Variants in RPN1 observed in about 807,000 individuals in gnomAD.
The protein encoded by RPN1 is dolichyl-diphosphooligosaccharide--protein glycosyltransferase subunit 1.
A neutral mutation model predicts 55.5 loss-of-function variants in RPN1; 12 were observed. The ratio of observed to expected loss-of-function variants is 0.22; its 90% CI spans 0.14 to 0.35. The LOEUF is 0.35. Ranked by LOEUF, RPN1 falls within the 10% of genes least tolerant of loss-of-function variation. The pLI is 1.00. For missense variants in RPN1, 679 were observed against 761.3 expected, an observed-to-expected ratio of 0.89 and a Z score of 1.27; for synonymous variants, 317 against 305.9, an observed-to-expected ratio of 1.04 and a Z score of -0.38.
intron 3 of RPN1, among the ~76,000 whole-genome samples, chr3:128,635,683 A>G (rs2107717725): frequency 1.0e-5 from 1 of 96,568 alleles, no homozygotes; most frequent in South Asian, 2.8e-4. Context: ...ATAGATATCT[A>G]TAGATATACA....
At position 128,620,277 on chromosome 3, in the gene RPN1, G is replaced by A. The variant is rs1018140710; in HGVS notation, c.*134C>T. ...CTCACACTGCCTGACGCAGGGCCTG[G>A]TTTCTCTTCCTTGAAGGCCTTTTAC... On this transcript the variant is annotated 3_prime_UTR_variant, in exon 10 of 10. Transcript: ENST00000296255. 8 of 618,630 alleles carry A rather than the reference G, an allele frequency of 1.3e-5. No homozygotes were observed. The highest frequency in any genetic ancestry group is 1.8e-5 in the Non-Finnish European group (7 of 398,522). The allele number at this position is 618,630 out of a possible 1,614,324, so 38.3% of individuals were successfully genotyped here. A position where few individuals can be genotyped will look rare whatever the true frequency, so the allele number is the denominator to read the frequency against.
At chr3:128,638,519 G>A (rs973211209) in intron 2 of RPN1, among the ~76,000 whole-genome samples, 4 of 151,320 alleles carry the variant, frequency 2.6e-5, no homozygotes, top group African/African-American at 4.9e-5. Flanking sequence ...TTGCTCTGTC[G>A]CCCAGGCTGG....
rs1308628417 is a variant in RPN1, at chr3:128,632,004, G to T, written c.787C>A (p.Arg263Ser). ...TCTGGCTGTCTCTGGTAATCATAGC[G>T]TGAGAAAGGCCCCTTAAGCACAGCT... ...TGAVLKGPFS[R>S]YDYQRQPDSG... Residue 263 changes from arginine to serine, a missense_variant, in exon 4 of 10, where the codon CGC becomes AGC. Physicochemically the swap from Arg to Ser is moderately radical, Grantham distance 110. Coordinates refer to ENST00000296255, the MANE Select transcript of RPN1 (RefSeq NM_002950.4). The T allele has an allele frequency of 3.7e-6, 6 of 1,614,066 alleles. No individual in the cohort carries two copies. The highest frequency in any genetic ancestry group is 5.1e-6 in the Non-Finnish European group (6 of 1,180,056).
rs2069755883 is a variant in RPN1, at chr3:128,644,976, C to T, written c.269G>A (p.Gly90Glu). ...CAAATTGTTCTCTTCCTCATCTTCT[C>T]CCTTTACCTACAACAGAAAAAGATA... ...RLAHLGVQVK[G>E]EDEEENNLEV... The change falls in exon 2 of 10, where the codon GGA (glycine) becomes GAA (glutamate). Residue 90 changes from glycine (G) to glutamate (E), a missense_variant. This residue lies in a region of RPN1 where 352 missense variants were observed against 352.8 expected (regional missense o/e 1.00). Transcript: ENST00000296255. 6.4e-7 allele frequency: 1 copy of T among 1,562,384 alleles called. No homozygotes were observed. Among genetic ancestry groups the T allele is most frequent in the Non-Finnish European group, 8.8e-7 (1 of 1,133,074 alleles).
rs1218015648 is a variant in RPN1 at position 128,622,215 on chromosome 3, A to T, written c.1590T>A (p.Ile530=). ...ETEHKALTSE[I]ALLQSRLKTE... ...TCTTCAGCCTGGACTGCAGCAGTGC[A>T]ATCTCACTGGTCAAGGCCTTGTGTT... The change falls in exon 9 of 10, where the codon ATT becomes ATA. Residue 530 remains isoleucine (I), a synonymous_variant. Coordinates refer to ENST00000296255, the MANE Select transcript of RPN1 (RefSeq NM_002950.4). The T allele has an allele frequency of 6.2e-7, 1 of 1,614,074 alleles. No individual in the cohort carries two copies. The highest frequency in any genetic ancestry group is 2.2e-5 in the East Asian group (1 of 44,890).
rs755882055 is a variant in RPN1 at position 128,650,616 on chromosome 3, G to C, written c.185C>G (p.Ser62Cys). The stretch of plus-strand genomic sequence containing the variant: ...CAGGAAAGAGGTAGCTCGGGACGTG[G>C]AGCCGCCGCCCAGGTGCGCCAGGAC... ...EVVLAHLGGG[S>C]TSRATSFLLA... is the part of the protein sequence containing the mutation. The change falls in exon 1 of 10, where the codon TCC becomes TGC. Residue 62 changes from serine (S) to cysteine (C), a missense_variant. By Grantham distance (112) the Ser-to-Cys change is moderately radical (BLOSUM62 -1). Transcript: ENST00000296255. 3.9e-6 allele frequency: 6 copies of C among 1,551,088 alleles called. No individual in the cohort carries two copies. In the African/African-American group the frequency reaches 8.2e-5, roughly 21 times the overall value.
At chr3:128,630,615 T>C (rs542346591) in intron 4 of RPN1, among the ~76,000 whole-genome samples, 16 of 152,266 alleles carry the variant, frequency 1.1e-4, no homozygotes, top group Non-Finnish European at 2.1e-4. Flanking sequence ...TACTGACCCC[T>C]TCTATCATAC....
chr3:128,644,884 T>G, intron 2 of RPN1, 35 bp downstream of exon 2: 2 of 1,189,160 alleles, frequency 1.7e-6, no homozygotes, highest in African/African-American at 3.0e-5. Flanking sequence ...ACATAACCTT[T>G]AACAAGAGAC....
chr3:128,647,315 AAAC>A (rs1175476379), intron 1 of RPN1, among the ~76,000 whole-genome samples: 1 of 152,206 alleles, frequency 6.6e-6, no homozygotes, highest in Non-Finnish European at 1.5e-5. Flanking sequence ...AAAAGCCTAA[AAAC>A]AATCATACAA....
chr3:128,648,229 C>CA (rs1487949672), intron 1 of RPN1, among the ~76,000 whole-genome samples: 2 of 151,700 alleles, frequency 1.3e-5, no homozygotes, highest in African/African-American at 4.8e-5. Flanking sequence ...CCTGTCTCTA[C>CA]AAAAAAAATA....
At chr3:128,637,580 C>T (rs1277877000) in intron 3 of RPN1, among the ~76,000 whole-genome samples, 4 of 152,148 alleles carry the variant, frequency 2.6e-5, no homozygotes, top group Non-Finnish European at 5.9e-5. Context: ...ACCCATTCCA[C>T]CTCTCCAAAT....
chr3:128,630,042 T>C lies in RPN1; in HGVS notation c.945A>G (p.Glu315=). The C allele has an allele frequency of 6.2e-7, 1 of 1,613,794 alleles. No individual in the cohort carries two copies. Among genetic ancestry groups the C allele is most frequent in the Non-Finnish European group, 8.5e-7 (1 of 1,179,668 alleles). The change falls in exon 5 of 10, where the codon GAA becomes GAG. Residue 315 remains glutamate (E), a synonymous_variant. Transcript: ENST00000296255. ...LLILDDSVEM[E]IRPRFPLFGG... ...CAAAGAGAGGGAAGCGAGGCCGGAT[T>C]TCCATCTCTACAGAGTCATCCAAAA...
At chr3:128,636,471 A>G (rs2069682765) in intron 3 of RPN1, among the ~76,000 whole-genome samples, 1 of 84,506 alleles carries the variant, frequency 1.2e-5, no homozygotes, top group South Asian at 3.5e-4. Flanking sequence ...AAAAAAAATA[A>G]AATAAAATAA....
rs537189483 is a variant in RPN1, at chr3:128,638,861, G to A, written c.327-756C>T. 9.9e-4 allele frequency among the ~76,000 whole-genome samples: 151 copies of A among 152,176 alleles called. 1 individual carries two copies. The highest frequency in any genetic ancestry group is 1.3e-3 in the Non-Finnish European group (91 of 67,994). On this transcript the variant is annotated intron_variant, in intron 2 of 9. Transcript: ENST00000296255. ...CACACCTGTAGTCCCAGCTACTTGA[G>A]AGGTTGAAGTGGGAGGATCACTTGA...
chr3:128,646,483 C>T (rs1393774145), intron 1 of RPN1, among the ~76,000 whole-genome samples: 6 of 151,530 alleles, frequency 4.0e-5, no homozygotes, highest in African/African-American at 7.3e-5. Flanking sequence ...GTCAGGAGTT[C>T]GAGACCAGCC....
rs1560020846 is a variant in RPN1, at chr3:128,625,966, C to T, written c.1183G>A (p.Glu395Lys). ...GTGTCCAGATAGGTGTAGTGCAGCT[C>T]ATCTGGGGCACGGCTGATTTCATAG... ...SPYEISRAPD[E>K]LHYTYLDTFG... The change falls in exon 7 of 10, where the codon GAG (glutamate) becomes AAG (lysine). Residue 395 changes from glutamate to lysine, a missense_variant. Transcript: ENST00000296255. 2 of 1,612,504 alleles carry T rather than the reference C, an allele frequency of 1.2e-6. No homozygotes were observed. The highest frequency in any genetic ancestry group is 4.5e-5 in the East Asian group (2 of 44,874).
chr3:128,634,562 C>T (rs1473198843), intron 3 of RPN1, among the ~76,000 whole-genome samples: 1 of 142,760 alleles, frequency 7.0e-6, no homozygotes, highest in African/African-American at 2.6e-5. Flanking sequence ...TCTCCATAAA[C>T]CTTTTTTTTT....
Position 128,625,457 on chromosome 3 carries a change from T to C in RPN1, c.1395+77A>G, listed in dbSNP as rs1056992249. On this transcript the variant is annotated intron_variant, in intron 8 of 9. Coordinates refer to ENST00000296255, the MANE Select transcript of RPN1 (RefSeq NM_002950.4). ...CCATGGCGTCCTGCCCTGGGCTCAC[T>C]GTGAGGATCAGTGCTCAAGCTGGTG... The C allele has an allele frequency of 8.7e-6, 14 of 1,608,058 alleles. No homozygotes were observed. In the Admixed American group the frequency reaches 1.2e-4, roughly 13 times the overall value.
intron 1 of RPN1, among the ~76,000 whole-genome samples, chr3:128,647,693 G>GAAAAAAAAA (rs1280379043): frequency 1.5e-5 from 1 of 68,026 alleles, no homozygotes. Flanking sequence ...CTTGCCTCAA[G>GAAAAAAAAA]AAAAAAAAAA....
Sources: gnomAD v4.1 joint callset for allele counts (sites outside exome capture counted in the v4.1 genomes callset) on GRCh38, gnomAD v4.1.1 for gene constraint, gnomAD v4.1.1 regional missense constraint, MANE v1.5 for transcripts, NCBI Gene and HGNC (gene_info 2026-07-23, HGNC 2026-07-21) for gene names.